LRRC37A2: variants seen among roughly 807,000 people sequenced by gnomAD.
The protein encoded by LRRC37A2 is leucine rich repeat containing 37 member A2, also known as leucine-rich repeat-containing protein 37A2.
Under a neutral mutation model 68.8 loss-of-function variants are expected in LRRC37A2, and 9 were observed. The observed-to-expected ratio is 0.13, with a 90% confidence interval of 0.08 to 0.23. The LOEUF (loss-of-function observed/expected upper bound fraction) is 0.23. Ranked by LOEUF, LRRC37A2 falls within the 10% of genes least tolerant of loss-of-function variation. LRRC37A2 has a pLI of 1.00. For synonymous variants in LRRC37A2, 63 were observed against 367.6 expected, an observed-to-expected ratio of 0.17 and a Z score of 9.48; for missense variants, 168 against 950.4, an observed-to-expected ratio of 0.18 and a Z score of 10.82.
At chr17:46,808,969 G>A in the LRRC37A2 span, among the ~76,000 whole-genome samples, 1 of 152,138 alleles carries the variant, frequency 6.6e-6, no homozygotes, top group Non-Finnish European at 1.5e-5. Context: ...GAGCCAAGTG[G>A]GGTCCGAGCT....
chr17:46,720,068 C>T, the LRRC37A2 span, among the ~76,000 whole-genome samples: 2 of 152,292 alleles, frequency 1.3e-5, no homozygotes, highest in East Asian at 3.9e-4. Context: ...GCCTAATCCT[C>T]CTCTTTTCAT....
the LRRC37A2 span, among the ~76,000 whole-genome samples, chr17:46,819,518 C>T: frequency 2.0e-5 from 3 of 152,300 alleles, no homozygotes; most frequent in South Asian, 6.2e-4. The surrounding 1 kb of genome is among the most constrained non-coding windows in gnomAD (Gnocchi z 5.3). Flanking sequence ...AGGCGTGACC[C>T]ACAGCCTCAG....
the LRRC37A2 span, among the ~76,000 whole-genome samples, chr17:46,860,816 GAGGT>G: frequency 6.6e-6 from 1 of 152,316 alleles, no homozygotes; most frequent in African/African-American, 2.4e-5. Context: ...GGCAACCCAG[GAGGT>G]AGGTGCTGAT....
the LRRC37A2 span, among the ~76,000 whole-genome samples, chr17:46,844,516 A>C: frequency 6.6e-6 from 1 of 152,170 alleles, no homozygotes; most frequent in Non-Finnish European, 1.5e-5. Flanking sequence ...TTGTACCTGC[A>C]GTTCTGATAA....
the LRRC37A2 span, among the ~76,000 whole-genome samples, chr17:46,782,220 G>A: frequency 6.6e-6 from 1 of 152,176 alleles, no homozygotes; most frequent in African/African-American, 2.4e-5. Context: ...AGCCTCAAAG[G>A]GAAGGCATCT....
chr17:46,490,860 G>GTACA, the LRRC37A2 span, among the ~76,000 whole-genome samples: 2 of 150,170 alleles, frequency 1.3e-5, no homozygotes, highest in Admixed American at 6.6e-5. Flanking sequence ...GTGGACATGT[G>GTACA]TACATACATA....
At chr17:46,769,731 G>A in the LRRC37A2 span, 10 of 1,599,032 alleles carry the variant, frequency 6.3e-6, no homozygotes, top group South Asian at 1.1e-5. Flanking sequence ...AGCTCCGGAG[G>A]GGAAGCGGGG....
chr17:47,015,063 A>C, the LRRC37A2 span, among the ~76,000 whole-genome samples: 1 of 132,044 alleles, frequency 7.6e-6, no homozygotes, highest in South Asian at 2.4e-4. Flanking sequence ...GCTGGAGTGC[A>C]GTGGTACGAT....
At chr17:46,741,875 C>G in the LRRC37A2 span, among the ~76,000 whole-genome samples, 2 of 152,230 alleles carry the variant, frequency 1.3e-5, no homozygotes, top group Non-Finnish European at 2.9e-5. Flanking sequence ...CAAGCGTTCT[C>G]CTGCCTCAGC....
chr17:46,533,362 A>G (rs2054006477), intron 6 of LRRC37A2, among the ~76,000 whole-genome samples: 1 of 82,632 alleles, frequency 1.2e-5, no homozygotes, highest in South Asian at 4.2e-4. Context: ...TTTCAATGGT[A>G]TACAAAAACT....
At chr17:46,760,600 C>T in the LRRC37A2 span, among the ~76,000 whole-genome samples, 2 of 147,664 alleles carry the variant, frequency 1.4e-5, no homozygotes, top group African/African-American at 5.0e-5. Context: ...CACCACTGTA[C>T]TCCAGCCTGG....
chr17:46,867,337 G>A, the LRRC37A2 span, among the ~76,000 whole-genome samples: 1 of 152,258 alleles, frequency 6.6e-6, no homozygotes, highest in East Asian at 1.9e-4. Context: ...AGCACAACTA[G>A]GAAGAGGTGG....
the LRRC37A2 span, among the ~76,000 whole-genome samples, chr17:46,746,267 A>G: frequency 2.8e-4 from 42 of 152,264 alleles, no homozygotes; most frequent in African/African-American, 1.0e-3. Flanking sequence ...TCTATCTCAT[A>G]TTCTATGCGC....
At chr17:46,840,508 C>A in the LRRC37A2 span, among the ~76,000 whole-genome samples, 1 of 152,194 alleles carries the variant, frequency 6.6e-6, no homozygotes, top group Non-Finnish European at 1.5e-5. Flanking sequence ...GATTTATAAT[C>A]CTTTGTGTAC....
downstream of LRRC37A2, among the ~76,000 whole-genome samples, chr17:46,558,553 ATTTTTT>A (rs58227880): frequency 4.4e-4 from 44 of 100,170 alleles, no homozygotes; most frequent in Non-Finnish European, 4.5e-4. Flanking sequence ...TGCCCGGCCA[ATTTTTT>A]TTTTTTTTTT....
chr17:46,726,678 A>G, the LRRC37A2 span: 1 of 1,391,978 alleles, frequency 7.2e-7, no homozygotes, highest in South Asian at 1.2e-5. Flanking sequence ...CTCAAAAGTT[A>G]CAAGAGAAAA....
chr17:46,707,532 A>C, the LRRC37A2 span, among the ~76,000 whole-genome samples: 1 of 152,218 alleles, frequency 6.6e-6, no homozygotes, highest in Non-Finnish European at 1.5e-5. Flanking sequence ...ATTAAATAAT[A>C]ACTCTTTTTT....
chr17:46,936,362 A>T, the LRRC37A2 span: 6 of 985,396 alleles, frequency 6.1e-6, no homozygotes, highest in Non-Finnish European at 7.2e-6. Flanking sequence ...TTCCCACTCA[A>T]GTCTGGCAGC....
At chr17:46,875,378 C>T in the LRRC37A2 span, 2 of 1,580,820 alleles carry the variant, frequency 1.3e-6, no homozygotes, top group South Asian at 2.3e-5. Context: ...TGAGCATGTC[C>T]CTGGCTGCCC....
Sources: allele counts gnomAD v4.1 joint callset (sites outside exome capture counted in the v4.1 genomes callset), GRCh38; gene constraint gnomAD v4.1.1; non-coding constraint Gnocchi (gnomAD v3.1); transcripts MANE v1.5; gene names NCBI Gene and HGNC (gene_info 2026-07-23, HGNC 2026-07-21).